Variants in INTS10 observed in about 807,000 individuals in gnomAD.
INTS10 encodes the protein chromosome 8 open reading frame 35.
INTS10 carries 44 observed loss-of-function variants against 94.4 expected under a neutral mutation model. That is an observed-to-expected ratio of 0.47 (90% CI 0.37 to 0.60). The LOEUF is 0.60. INTS10 is among the 20% of genes least tolerant of loss of function. The pLI, the probability that INTS10 is intolerant of heterozygous loss-of-function variation, is 0.00. For missense variants in INTS10, 797 were observed against 868.7 expected (o/e 0.92, Z 1.04); for synonymous variants, 341 against 320.7 (o/e 1.06, Z -0.68).
chr8:19,830,364 T>C, intron 9 of INTS10, 42 bp from the exon 10 acceptor site: 3 of 1,571,918 alleles, frequency 1.9e-6, no homozygotes, highest in Non-Finnish European at 1.7e-6. Flanking sequence ...TATGACTATA[T>C]TTATAACTGA....
At chr8:19,821,830 T>G (rs1268140170) in intron 4 of INTS10, 1 of 152,242 alleles carries the variant, frequency 6.6e-6, no homozygotes, top group East Asian at 1.9e-4. Flanking sequence ...TGTGATGTAA[T>G]CTTTCGCACT....
intron 13 of INTS10, among the ~76,000 whole-genome samples, 199 bp from the exon 14 acceptor site, chr8:19,842,649 T>C (rs1487098602): frequency 6.6e-6 from 1 of 152,264 alleles, no homozygotes; most frequent in Non-Finnish European, 1.5e-5. Flanking sequence ...AGAATATTGA[T>C]AAATGAAATC....
At chr8:19,841,666 G>A (rs1171881400) in intron 13 of INTS10, among the ~76,000 whole-genome samples, 2 of 152,080 alleles carry the variant, frequency 1.3e-5, no homozygotes, top group Non-Finnish European at 2.9e-5. Context: ...GGAACACAGT[G>A]CCACGTGCTT....
At chr8:19,841,729 C>T in intron 13 of INTS10, 1 of 429,746 alleles carries the variant, frequency 2.3e-6, no homozygotes. Context: ...TTCCCATGAC[C>T]AAGTTGAACA....
At chr8:19,821,497 G>C (rs1696290349) in intron 4 of INTS10, 1 of 152,160 alleles carries the variant, frequency 6.6e-6, no homozygotes, top group African/African-American at 2.4e-5. Flanking sequence ...TGCCCAGGCA[G>C]CAGTGCAGTG....
rs781755467 is a variant in INTS10, at chr8:19,824,915, G to A, written c.949G>A (p.Val317Ile). 5.0e-6 allele frequency: 8 copies of A among 1,613,826 alleles called. No individual in the cohort carries two copies. Among genetic ancestry groups the A allele is most frequent in the East Asian group, 4.5e-5 (2 of 44,860 alleles). ...CCAAGTGGTGTATTCCACCATGCTGGTCTTCTTTAAGAATGCATTCCAGTA... is the reference window on the plus strand; with the variant it reads ...CCAAGTGGTGTATTCCACCATGCTGATCTTCTTTAAGAATGCATTCCAGTA... ...KNQVVYSTML[V>I]FFKNAFQYVN... The change falls in exon 8 of 17, where the codon GTC becomes ATC. Residue 317 changes from valine (V) to isoleucine (I), a missense_variant. Transcript: ENST00000397977.
chr8:19,845,040 G>A (rs1237775766), intron 15 of INTS10, among the ~76,000 whole-genome samples: 1 of 152,026 alleles, frequency 6.6e-6, no homozygotes, highest in East Asian at 1.9e-4. Flanking sequence ...TAGGACCACA[G>A]GTGTGCACTA....
At chr8:19,825,104 G>A (rs770217269) in intron 8 of INTS10, 132 bp downstream of exon 8, 27 of 732,024 alleles carry the variant, frequency 3.7e-5, no homozygotes, top group Non-Finnish European at 5.0e-5. Flanking sequence ...TTTATAGTTG[G>A]CGATTTAGTT....
intron 4 of INTS10, chr8:19,821,003 T>A (rs1408065732): frequency 6.6e-6 from 1 of 152,506 alleles, no homozygotes; most frequent in East Asian, 1.9e-4. Flanking sequence ...GTATCCCACT[T>A]TACAGATGAC....
At chr8:19,829,903 A>G (rs907107554) in intron 9 of INTS10, among the ~76,000 whole-genome samples, 1 of 152,172 alleles carries the variant, frequency 6.6e-6, no homozygotes. Context: ...CCTGGCCTTA[A>G]GTGATCTGTC....
intron 9 of INTS10, among the ~76,000 whole-genome samples, chr8:19,828,909 T>G (rs777858403): frequency 3.3e-5 from 5 of 152,002 alleles, no homozygotes; most frequent in Non-Finnish European, 7.4e-5. Context: ...GCAAAAACAT[T>G]ACTTAGGGAG....
intron 16 of INTS10, among the ~76,000 whole-genome samples, chr8:19,850,147 AAG>A: frequency 2.0e-5 from 3 of 150,750 alleles, no homozygotes; most frequent in Non-Finnish European, 4.4e-5. Flanking sequence ...AAAAAAAAGA[AAG>A]AAAGAAAGAA....
intron 15 of INTS10, among the ~76,000 whole-genome samples, chr8:19,844,929 G>T (rs551540360): frequency 6.1e-4 from 92 of 151,972 alleles, no homozygotes; most frequent in African/African-American, 2.1e-3. Context: ...TTGGGGTCTT[G>T]CTGTGTCACC....
At chr8:19,827,049 G>T (rs1006264649) in intron 9 of INTS10, among the ~76,000 whole-genome samples, 12 of 152,090 alleles carry the variant, frequency 7.9e-5, no homozygotes, top group Non-Finnish European at 1.8e-4. Context: ...CATGAAGGAG[G>T]TCAACATTTG....
intron 13 of INTS10, among the ~76,000 whole-genome samples, chr8:19,841,211 T>TCA: frequency 6.6e-6 from 1 of 152,330 alleles, no homozygotes; most frequent in Admixed American, 6.5e-5. Context: ...ATCCCCTCCT[T>TCA]CACACTACAT....
At chr8:19,838,121 C>CAAATGCATTTTGGG (rs2067813284) in intron 13 of INTS10, among the ~76,000 whole-genome samples, 1 of 152,064 alleles carries the variant, frequency 6.6e-6, no homozygotes, top group Non-Finnish European at 1.5e-5. Flanking sequence ...TTTGGGAAGC[C>CAAATGCATTTTGGG]AAGGATGGCA....
At chr8:19,826,098 T>C (rs1260930457) in intron 8 of INTS10, among the ~76,000 whole-genome samples, 3 of 152,066 alleles carry the variant, frequency 2.0e-5, no homozygotes, top group Non-Finnish European at 2.9e-5. Context: ...ATTTTATTTA[T>C]TTTTTAAGTC....
rs71205949 is a variant in INTS10, at chr8:19,846,433, C to CAAAA, written c.1976+644_1976+647dup. Among the ~76,000 whole-genome samples, 15 of 147,782 alleles carry CAAAA rather than the reference C, an allele frequency of 1.0e-4. No individual in the cohort carries two copies. The highest frequency in any genetic ancestry group is 3.5e-4 in the African/African-American group (14 of 40,058). Reference sequence around the variant, plus strand: ...GGGCAACAAGAGTGAAACTCCATCTCAAAAAAAAAAACAAACAAACAAAAC... The same window carrying CAAAA: ...GGGCAACAAGAGTGAAACTCCATCTCAAAAAAAAAAAAAAACAAACAAACAAAAC... On this transcript the variant is annotated intron_variant, in intron 16 of 16. Coordinates refer to ENST00000397977, the MANE Select transcript of INTS10 (RefSeq NM_018142.4). The surrounding 1 kb of genome is among the most constrained non-coding windows in gnomAD (Gnocchi z 4.2).
At chr8:19,844,323 A>G (rs898445317) in intron 15 of INTS10, 85 bp downstream of exon 15, 6 of 1,010,584 alleles carry the variant, frequency 5.9e-6, no homozygotes, top group Non-Finnish European at 8.7e-6. Flanking sequence ...ACCATTCTGG[A>G]TAGAAATAAT....
Sources: gnomAD v4.1 joint callset for allele counts (sites outside exome capture counted in the v4.1 genomes callset) on GRCh38, gnomAD v4.1.1 for gene constraint, Gnocchi (gnomAD v3.1) non-coding constraint, MANE v1.5 for transcripts, NCBI Gene and HGNC (gene_info 2026-07-23, HGNC 2026-07-21) for gene names.